NALF1: variants seen among roughly 807,000 people sequenced by gnomAD.
NALF1 encodes family with sequence similarity 155 member A.
A neutral mutation model predicts 48.4 loss-of-function variants in NALF1; 3 were observed. The observed-to-expected ratio is 0.06, with a 90% CI of 0.03 to 0.16. The LOEUF is 0.16. Ranked by LOEUF, NALF1 falls within the 10% of genes least tolerant of loss-of-function variation. NALF1 has a pLI of 1.00. For missense variants in NALF1, 526 were observed against 571.5 expected, an observed-to-expected ratio of 0.92 and a Z score of 0.81; for synonymous variants, 262 against 245.7, an observed-to-expected ratio of 1.07 and a Z score of -0.62.
At chr13:107,329,306 T>G (rs1215211377) in intron 1 of NALF1, among the ~76,000 whole-genome samples, 1 of 152,084 alleles carries the variant, frequency 6.6e-6, no homozygotes, top group Non-Finnish European at 1.5e-5. Context: ...ATGTAAGAAT[T>G]TTCTAGAAAT....
intron 1 of NALF1, among the ~76,000 whole-genome samples, chr13:107,247,496 A>T (rs1880608187): frequency 6.6e-6 from 1 of 152,212 alleles, no homozygotes; most frequent in African/African-American, 2.4e-5. Context: ...TCTAATATAA[A>T]GGCAACTTTT....
intron 1 of NALF1, among the ~76,000 whole-genome samples, chr13:107,731,798 T>C (rs888309530): frequency 3.3e-5 from 5 of 152,198 alleles, no homozygotes; most frequent in Non-Finnish European, 7.3e-5. Flanking sequence ...TTATCCAGCC[T>C]GCCATTGATG....
chr13:107,259,714 G>A (rs1880893466), intron 1 of NALF1, among the ~76,000 whole-genome samples: 2 of 152,130 alleles, frequency 1.3e-5, no homozygotes, highest in Admixed American at 6.5e-5. Context: ...GGTAGAGGAG[G>A]CATATATAGT....
intron 2 of NALF1, among the ~76,000 whole-genome samples, chr13:107,204,379 C>T (rs1179883903): frequency 6.6e-6 from 1 of 152,236 alleles, no homozygotes; most frequent in Non-Finnish European, 1.5e-5. Context: ...TGTGTTCTGG[C>T]ACTGGGCTCA....
At position 107,803,111 on chromosome 13, in the gene NALF1, A is replaced by G. The variant is rs1000348299; in HGVS notation, c.915+62571T>C. On this transcript the variant is annotated intron_variant, in intron 1 of 2. Coordinates refer to ENST00000375915, the MANE Select transcript of NALF1 (RefSeq NM_001080396.3). ...TCCTAAGCACTTTCTAAATTCTAGC[A>G]TTGTGCTACTAGGGAATGACCATCG... Among the ~76,000 whole-genome samples the G allele has an allele frequency of 6.6e-5, 10 of 152,292 alleles. No homozygotes were observed. In the East Asian group the frequency reaches 1.9e-3, roughly 29 times the overall value.
chr13:107,602,789 C>T lies in NALF1; in HGVS notation c.915+262893G>A, dbSNP rs960034370. On this transcript the variant is annotated intron_variant, in intron 1 of 2. Coordinates refer to ENST00000375915, the MANE Select transcript of NALF1 (RefSeq NM_001080396.3). ...CATATGGATCCATCCACCTTGCCAA[C>T]GCCATCGATAGCCTTGCAGGACCAA... Among the ~76,000 whole-genome samples, 11 of 152,204 alleles carry T rather than the reference C, an allele frequency of 7.2e-5. 1 individual carries two copies. The highest frequency in any genetic ancestry group is 4.1e-4 in the South Asian group (2 of 4,826).
chr13:107,441,799 T>C (rs1218990149), intron 1 of NALF1, among the ~76,000 whole-genome samples: 9 of 152,200 alleles, frequency 5.9e-5, no homozygotes, highest in Admixed American at 5.9e-4. Context: ...GTGGGCAATC[T>C]GCCCCTCTAG....
Position 107,163,900 on chromosome 13 carries a change from AG to A in NALF1, c.*6596del, listed in dbSNP as rs1385615842. ...GAAAAAGAAAACAAGAGAAAAAGGAAGAAAAAGAAAGCAAGAGGTTTTCTTT... is the reference window on the plus strand; with the variant it reads ...GAAAAAGAAAACAAGAGAAAAAGGAAAAAAAGAAAGCAAGAGGTTTTCTTT... On this transcript the variant is annotated 3_prime_UTR_variant, in exon 3 of 3. Transcript: ENST00000375915. The A allele has an allele frequency of 6.6e-6, 1 of 152,204 alleles. No individual in the cohort carries two copies. Among genetic ancestry groups the A allele is most frequent in the African/African-American group, 2.4e-5 (1 of 41,460 alleles). 9.4% of individuals were successfully genotyped at this position (152,204 alleles called of 1,614,324 possible).
In NALF1 at chr13:107,164,642, C is replaced by T. The variant is rs1431084289; in HGVS notation, c.*5855G>A. On this transcript the variant is annotated 3_prime_UTR_variant, in exon 3 of 3. Coordinates refer to ENST00000375915, the MANE Select transcript of NALF1 (RefSeq NM_001080396.3). Reference sequence around the variant, plus strand: ...TTTAACTTTTGCTTGTCAGTAGTAGCCTTTTGGGAGTGGAAATCGAAAATA... The same window carrying T: ...TTTAACTTTTGCTTGTCAGTAGTAGTCTTTTGGGAGTGGAAATCGAAAATA... 3 of 151,824 alleles carry T rather than the reference C, an allele frequency of 2.0e-5. No homozygotes were observed. The highest frequency in any genetic ancestry group is 4.4e-5 in the Non-Finnish European group (3 of 68,014). The allele number at this position is 151,824 out of a possible 1,614,324, so 9.4% of individuals were successfully genotyped here.
intron 2 of NALF1, among the ~76,000 whole-genome samples, chr13:107,175,940 C>T (rs1878918111): frequency 6.6e-6 from 1 of 152,162 alleles, no homozygotes; most frequent in African/African-American, 2.4e-5. Context: ...GCCATCCCAG[C>T]TTCAGATTTT....
At chr13:107,366,842 C>T (rs1047597392) in intron 1 of NALF1, among the ~76,000 whole-genome samples, 1 of 152,260 alleles carries the variant, frequency 6.6e-6, no homozygotes, top group Non-Finnish European at 1.5e-5. Context: ...CAGGTGTTCA[C>T]GTTCATGCTC....
chr13:107,683,214 C>G (rs1881347304), intron 1 of NALF1, among the ~76,000 whole-genome samples: 1 of 152,166 alleles, frequency 6.6e-6, no homozygotes, highest in Non-Finnish European at 1.5e-5. Context: ...TGCCCCTGCA[C>G]TCCAGCCTGG....
intron 1 of NALF1, among the ~76,000 whole-genome samples, chr13:107,860,072 T>C (rs1226760751): frequency 6.6e-6 from 1 of 152,142 alleles, no homozygotes; most frequent in Non-Finnish European, 1.5e-5. Flanking sequence ...ATAAAAAAGA[T>C]GACTGATATT....
chr13:107,575,477 T>A (rs1594137690), intron 1 of NALF1, among the ~76,000 whole-genome samples: 2 of 152,260 alleles, frequency 1.3e-5, no homozygotes, highest in East Asian at 3.9e-4. Flanking sequence ...GACCTGGTTC[T>A]TCTATACATC....
chr13:107,321,143 T>C (rs1442433339), intron 1 of NALF1, among the ~76,000 whole-genome samples: 1 of 152,134 alleles, frequency 6.6e-6, no homozygotes, highest in African/African-American at 2.4e-5. Context: ...CAAAAAAGGA[T>C]AGCAAATGTT....
At chr13:107,425,657 A>T (rs1031405675) in intron 1 of NALF1, among the ~76,000 whole-genome samples, 1 of 152,056 alleles carries the variant, frequency 6.6e-6, no homozygotes, top group Non-Finnish European at 1.5e-5. Context: ...AAGGTATTGG[A>T]TATCTCTCTA....
intron 1 of NALF1, among the ~76,000 whole-genome samples, chr13:107,726,996 G>C (rs558115154): frequency 6.7e-6 from 1 of 150,046 alleles, no homozygotes; most frequent in African/African-American, 2.5e-5. Context: ...ATTTTTAGGA[G>C]AGACGGGGTT....
At chr13:107,233,965 T>C (rs1389731272) in intron 1 of NALF1, among the ~76,000 whole-genome samples, 6 of 152,232 alleles carry the variant, frequency 3.9e-5, no homozygotes, top group African/African-American at 9.6e-5. Context: ...TTTGAATTAT[T>C]ACATTACTGT....
chr13:107,298,809 T>C (rs1220741151), intron 1 of NALF1, among the ~76,000 whole-genome samples: 1 of 152,214 alleles, frequency 6.6e-6, no homozygotes, highest in African/African-American at 2.4e-5. Flanking sequence ...GTCCAGAATT[T>C]TTAAATATAC....
Sources: gnomAD v4.1 joint callset for allele counts (sites outside exome capture counted in the v4.1 genomes callset) on GRCh38, gnomAD v4.1.1 for gene constraint, MANE v1.5 for transcripts, NCBI Gene and HGNC (gene_info 2026-07-23, HGNC 2026-07-21) for gene names.